The following SNX16 variants were observed in gnomAD, a reference collection of about 807,000 sequenced individuals.
SNX16 encodes the protein sorting nexin 16.
In SNX16, 35 loss-of-function variants were observed where a neutral mutation model predicts 36.7. That is an observed-to-expected ratio of 0.95 (90% CI 0.73 to 1.27). The LOEUF (loss-of-function observed/expected upper bound fraction) is 1.27. SNX16 is among the 50% of genes most tolerant of loss of function. The pLI is 0.00. For missense variants in SNX16, 367 were observed against 393.6 expected (o/e 0.93, Z 0.57); for synonymous variants, 134 against 132.0 (o/e 1.02, Z -0.10).
chr8:81,832,794 T>C (rs184555640), intron 2 of SNX16, among the ~76,000 whole-genome samples: 6 of 150,506 alleles, frequency 4.0e-5, no homozygotes, highest in Admixed American at 1.3e-4. Context: ...CAGAGAAGCA[T>C]CTAGTAGTTT....
chr8:81,806,739 T>C (rs1809969319), intron 5 of SNX16, among the ~76,000 whole-genome samples: 1 of 152,122 alleles, frequency 6.6e-6, no homozygotes, highest in African/African-American at 2.4e-5. Flanking sequence ...ACATTGTTAA[T>C]ATTGCAGGGG....
At chr8:81,813,977 T>C (rs1370886371) in intron 5 of SNX16, among the ~76,000 whole-genome samples, 1 of 152,034 alleles carries the variant, frequency 6.6e-6, no homozygotes, top group African/African-American at 2.4e-5. Flanking sequence ...CAAGTGAGAA[T>C]AGAATACAGC....
intron 5 of SNX16, among the ~76,000 whole-genome samples, chr8:81,811,678 AT>A (rs1399078002): frequency 2.0e-5 from 3 of 152,172 alleles, no homozygotes; most frequent in Non-Finnish European, 2.9e-5. Flanking sequence ...AGACAAAATA[AT>A]AATAACCACT....
chr8:81,835,597 C>A (rs1811459680), intron 2 of SNX16, among the ~76,000 whole-genome samples: 1 of 152,212 alleles, frequency 6.6e-6, no homozygotes, highest in Non-Finnish European at 1.5e-5. Context: ...TAAATCATCC[C>A]TCTCAAGTTC....
chr8:81,803,848 T>C lies in SNX16; in HGVS notation c.682-620A>G, dbSNP rs991647514. On this transcript the variant is annotated intron_variant, in intron 5 of 7. Transcript: ENST00000345957. ...GAAAAACATCAAGAAAGATTGTTTG[T>C]CTCAATCTGGTTTCTAGGTGGGCGA... Among the ~76,000 whole-genome samples, 14 of 151,450 alleles carry C rather than the reference T, an allele frequency of 9.2e-5. No individual in the cohort carries two copies. In the South Asian group the frequency reaches 1.0e-3, roughly 11 times the overall value.
intron 2 of SNX16, among the ~76,000 whole-genome samples, chr8:81,836,635 T>G (rs573041470): frequency 3.5e-4 from 53 of 152,250 alleles, no homozygotes; most frequent in African/African-American, 1.2e-3. Flanking sequence ...TTAAAACAAA[T>G]CCAGAACCTG....
intron 2 of SNX16, among the ~76,000 whole-genome samples, chr8:81,838,483 G>A (rs1165251541): frequency 6.6e-6 from 1 of 151,574 alleles, no homozygotes; most frequent in Non-Finnish European, 1.5e-5. Flanking sequence ...ATGCATTTAT[G>A]GTCACATGAT....
chr8:81,808,016 G>C, intron 5 of SNX16: 3 of 843,716 alleles, frequency 3.6e-6, no homozygotes, highest in Non-Finnish European at 6.1e-6. Flanking sequence ...GTGGATGGAA[G>C]AGTTGTGGAA....
At chr8:81,827,826 G>C (rs932189292) in intron 3 of SNX16, among the ~76,000 whole-genome samples, 2 of 152,194 alleles carry the variant, frequency 1.3e-5, no homozygotes, top group Admixed American at 6.5e-5. Context: ...GTCACAAATG[G>C]GAGAGAACAG....
intron 4 of SNX16, among the ~76,000 whole-genome samples, chr8:81,822,947 C>CATATATATATATAT (rs949455303): frequency 5.7e-5 from 3 of 52,340 alleles, no homozygotes; most frequent in African/African-American, 1.7e-4. Context: ...TATACATATA[C>CATATATATATATAT]ATATATATAT....
intron 4 of SNX16, among the ~76,000 whole-genome samples, chr8:81,821,434 G>A (rs1036876080): frequency 2.0e-5 from 3 of 151,476 alleles, no homozygotes; most frequent in Non-Finnish European, 4.4e-5. Context: ...TACCGAACAA[G>A]GGACAAGAGA....
chr8:81,832,521 G>A (rs1476643499), intron 2 of SNX16, among the ~76,000 whole-genome samples: 1 of 151,990 alleles, frequency 6.6e-6, no homozygotes, highest in Non-Finnish European at 1.5e-5. Context: ...TAACAAACCT[G>A]CACATGTATC....
At chr8:81,838,343 C>A (rs1811585772) in intron 2 of SNX16, among the ~76,000 whole-genome samples, 2 of 151,992 alleles carry the variant, frequency 1.3e-5, no homozygotes, top group South Asian at 4.1e-4. Context: ...TGAAGAATAG[C>A]CAAGGCCATC....
At chr8:81,840,214 C>T in intron 1 of SNX16, 132 bp from the exon 2 acceptor site, 1 of 441,666 alleles carries the variant, frequency 2.3e-6, no homozygotes, top group Non-Finnish European at 3.9e-6. Flanking sequence ...CCCCTTCTCC[C>T]AGTTGTCTTT....
chr8:81,815,504 T>C (rs892850112), intron 4 of SNX16, 110 bp from the exon 5 acceptor site: 5 of 697,646 alleles, frequency 7.2e-6, no homozygotes, highest in Non-Finnish European at 1.2e-5. Flanking sequence ...GTTGGTTATG[T>C]GTTTTCATAC....
At chr8:81,833,728 T>A (rs758917667) in intron 2 of SNX16, among the ~76,000 whole-genome samples, 7 of 152,222 alleles carry the variant, frequency 4.6e-5, no homozygotes, top group Non-Finnish European at 8.8e-5. Context: ...AATACCCCTG[T>A]TTCTCTAGCA....
At chr8:81,820,864 A>T (rs1339280257) in intron 4 of SNX16, among the ~76,000 whole-genome samples, 1 of 151,836 alleles carries the variant, frequency 6.6e-6, no homozygotes, top group Non-Finnish European at 1.5e-5. Context: ...CCTTTAACAC[A>T]GGGCAAATGC....
At chr8:81,824,017 C>T in intron 3 of SNX16, 77 bp from the exon 4 acceptor site, 1 of 1,272,660 alleles carries the variant, frequency 7.9e-7, no homozygotes, top group East Asian at 2.5e-5. Context: ...CTGTTGACTA[C>T]ATGAAATTAT....
At chr8:81,841,304 G>A (rs1436271785) in intron 1 of SNX16, among the ~76,000 whole-genome samples, 1 of 144,512 alleles carries the variant, frequency 6.9e-6, no homozygotes, top group Non-Finnish European at 1.5e-5. Context: ...TCGTGCCATT[G>A]CACTCCAGCC....
Sources: gnomAD v4.1 joint callset for allele counts (sites outside exome capture counted in the v4.1 genomes callset) on GRCh38, gnomAD v4.1.1 for gene constraint, MANE v1.5 for transcripts, NCBI Gene and HGNC (gene_info 2026-07-23, HGNC 2026-07-21) for gene names.